Variants in SZT2 observed in about 807,000 individuals in gnomAD.
SZT2 encodes the protein SZT2 subunit of KICSTOR complex.
A neutral mutation model predicts 404.2 loss-of-function variants in SZT2; 216 were observed. The observed-to-expected ratio is 0.53, with a 90% CI of 0.48 to 0.60. The LOEUF (loss-of-function observed/expected upper bound fraction) is 0.60, where lower values mean the gene tolerates loss of function less well. Among genes scored for constraint, SZT2 ranks in the 20% least tolerant of loss-of-function variants. The pLI is 0.00. For synonymous variants in SZT2, 1,693 were observed against 1,749.9 expected, an observed-to-expected ratio of 0.97 and a Z score of 0.81; for missense variants, 3,857 against 4,459.2, an observed-to-expected ratio of 0.86 and a Z score of 3.85.
At chr1:43,416,413 T>C in intron 6 of SZT2, 122 bp from the exon 7 acceptor site, 1 of 779,840 alleles carries the variant, frequency 1.3e-6, no homozygotes, top group Non-Finnish European at 2.1e-6. Flanking sequence ...CTTCACAGTT[T>C]ATGAAACTGC....
intron 2 of SZT2, 138 bp from the exon 3 acceptor site, chr1:43,403,463 G>A: frequency 2.9e-6 from 4 of 1,392,342 alleles, no homozygotes; most frequent in Non-Finnish European, 3.9e-6. Context: ...AATTTTTCCA[G>A]AGAGTGAGAG....
At chr1:43,404,114 G>A (rs1235157743) in intron 3 of SZT2, 1 of 518,202 alleles carries the variant, frequency 1.9e-6, no homozygotes, top group Non-Finnish European at 3.4e-6. Flanking sequence ...GGCTGAGGTG[G>A]GAGGATTGCT....
intron 62 of SZT2, 104 bp downstream of exon 62, chr1:43,443,900 C>T: frequency 6.9e-7 from 1 of 1,439,818 alleles, no homozygotes; most frequent in Non-Finnish European, 9.5e-7. Context: ...ACAATTTGGG[C>T]TGGGCCTGTG....
At chr1:43,422,656 C>CCCA in intron 13 of SZT2, 24 bp downstream of exon 13, 1 of 1,237,784 alleles carries the variant, frequency 8.1e-7, no homozygotes. Context: ...TGTCCCTTCA[C>CCCA]CCCCCGCCCC....
At position 43,420,411 on chromosome 1, in the gene SZT2, T is replaced by G. The variant is rs990136869; in HGVS notation, c.1261+88T>G. Reference sequence around the variant, plus strand: ...CCCACATGTATCACACATGAAAGAGTGTCACATTGAAGTCCTTATCACTTG... The same window carrying G: ...CCCACATGTATCACACATGAAAGAGGGTCACATTGAAGTCCTTATCACTTG... On this transcript the variant is annotated intron_variant, in intron 9 of 71. Coordinates refer to ENST00000634258, the MANE Select transcript of SZT2 (RefSeq NM_001365999.1). The surrounding 1 kb of genome is among the most constrained non-coding windows in gnomAD (Gnocchi z 5.1). 2 of 1,424,828 alleles carry G rather than the reference T, an allele frequency of 1.4e-6. No individual in the cohort carries two copies. Among genetic ancestry groups the G allele is most frequent in the African/African-American group, 2.9e-5 (2 of 69,974 alleles). The allele number at this position is 1,424,828 out of a possible 1,614,324, so 88.3% of individuals were successfully genotyped here.
At position 43,426,923 on chromosome 1, in the gene SZT2, A is replaced by G. The variant is rs1026112243; in HGVS notation, c.3309+114A>G. ...AGACTAAATGGCATCTGCCAATGACACAATGCCGTCATTTTCCATTGTCCT... is the reference window on the plus strand; with the variant it reads ...AGACTAAATGGCATCTGCCAATGACGCAATGCCGTCATTTTCCATTGTCCT... On this transcript the variant is annotated intron_variant, in intron 23 of 71. Transcript: ENST00000634258. This position sits in a 1 kb window ranked among gnomAD's most constrained non-coding sequence, Gnocchi z 4.9. 40 of 1,547,832 alleles carry G rather than the reference A, an allele frequency of 2.6e-5. No homozygotes were observed. The South Asian group carries it at 3.8e-4, about 15-fold the overall frequency.
At chr1:43,446,710 G>C (rs1655713372) in intron 65 of SZT2, 1 of 618,168 alleles carries the variant, frequency 1.6e-6, no homozygotes, top group Non-Finnish European at 2.8e-6. Context: ...TGGAATCTGG[G>C]ATAGAGCAAA....
At chr1:43,407,229 C>T (rs1474990476) in intron 4 of SZT2, among the ~76,000 whole-genome samples, 2 of 152,038 alleles carry the variant, frequency 1.3e-5, no homozygotes, top group African/African-American at 4.8e-5. Flanking sequence ...CCTGGCTGGG[C>T]GCAGTGGCTC....
At position 43,442,037 on chromosome 1, in the gene SZT2, G is replaced by T. The variant is rs769284740; in HGVS notation, c.7780G>T (p.Gly2594Trp). 1 of 1,614,082 alleles carries T rather than the reference G, an allele frequency of 6.2e-7. No homozygotes were observed. Among genetic ancestry groups the T allele is most frequent in the Non-Finnish European group, 8.5e-7 (1 of 1,179,994 alleles). ...AGAGATCTTCGGCCCTTGTTCCCCT[G>T]GGCAACTGGGCCCCTCTCCCCGCCC... ...EPEIFGPCSP[G>W]QLGPSPRPAA... is the part of the protein sequence containing the mutation. Residue 2594 changes from glycine to tryptophan, a missense_variant, in exon 56 of 72, where the codon GGG becomes TGG. Gly to Trp is a radical substitution (Grantham distance 184). This residue lies in a region of SZT2 where 573 missense variants were observed against 592.4 expected (regional missense o/e 0.97). Coordinates refer to ENST00000634258, the MANE Select transcript of SZT2 (RefSeq NM_001365999.1). The surrounding 1 kb of genome is among the most constrained non-coding windows in gnomAD (Gnocchi z 4.5).
At position 43,441,798 on chromosome 1, in the gene SZT2, C is replaced by T; in HGVS notation, c.7722C>T (p.Val2574=). 4 of 1,614,176 alleles carry T rather than the reference C, an allele frequency of 2.5e-6. No homozygotes were observed. The highest frequency in any genetic ancestry group is 3.4e-6 in the Non-Finnish European group (4 of 1,180,042). ...CCTCAATGGCTGGAGACACCAGTGT[C>T]CGCATCTTTGAGCAGCATTTGTGAG... is the stretch of plus-strand genomic sequence containing the variant. ...LVTSMAGDTS[V]RIFEQHLGSE... is the part of the protein sequence containing the mutation. The change falls in exon 55 of 72, where the codon GTC becomes GTT. Residue 2574 remains valine (V), a synonymous_variant. Coordinates refer to ENST00000634258, the MANE Select transcript of SZT2 (RefSeq NM_001365999.1). This position sits in a 1 kb window ranked among gnomAD's most constrained non-coding sequence, Gnocchi z 4.8.
rs1652869069 is a variant in SZT2 at position 43,424,272 on chromosome 1, C to T, written c.2311C>T (p.Pro771Ser). The T allele has an allele frequency of 6.3e-7, 1 of 1,597,866 alleles. No individual in the cohort carries two copies. Among genetic ancestry groups the T allele is most frequent in the Non-Finnish European group, 8.5e-7 (1 of 1,179,554 alleles). The change falls in exon 16 of 72, where the codon CCA (proline) becomes TCA (serine). Residue 771 changes from proline (P) to serine (S), a missense_variant. Around this residue, in one of 7 missense-constraint regions of SZT2, gnomAD observed 1,725 missense variants for 1,881.0 expected, o/e 0.92. Transcript: ENST00000634258. The surrounding 1 kb of genome is among the most constrained non-coding windows in gnomAD (Gnocchi z 4.1). ...RAPFLLTLEP[P>S]GPLPLVSGRS... ...ACCCTTCTTGCTGACATTGGAGCCA[C>T]CAGGTCCACTGCCCTTGGTGTCAGG...
rs754009635 is a variant in SZT2, at chr1:43,452,035, T to G, written c.*1555T>G. ...CCTCCTAGCAGCATGTCGGGTGCTGTGAATAGAGCTCCTTCCCAAGTTTGT... is the reference window on the plus strand; with the variant it reads ...CCTCCTAGCAGCATGTCGGGTGCTGGGAATAGAGCTCCTTCCCAAGTTTGT... On this transcript the variant is annotated 3_prime_UTR_variant, in exon 72 of 72. Coordinates refer to ENST00000634258, the MANE Select transcript of SZT2 (RefSeq NM_001365999.1). 6.3e-7 allele frequency: 1 copy of G among 1,590,296 alleles called. No individual in the cohort carries two copies. Among genetic ancestry groups the G allele is most frequent in the Non-Finnish European group, 8.6e-7 (1 of 1,165,158 alleles).
At chr1:43,408,854 C>T (rs1057325338) in intron 4 of SZT2, among the ~76,000 whole-genome samples, 3 of 152,050 alleles carry the variant, frequency 2.0e-5, no homozygotes, top group African/African-American at 4.8e-5. Context: ...TTTTCTGGCT[C>T]GCCCGACCCA....
At position 43,415,176 on chromosome 1, in the gene SZT2, C is replaced by T. The variant is rs370706859; in HGVS notation, c.593C>T (p.Ala198Val). The stretch of plus-strand genomic sequence containing the variant: ...CTCTGCCTCTTTGAGGATAAGGTGG[C>T]CACCATGCTGCAGCAGCAGTACGAT... ...EQLCLFEDKVATMLQQQYDPQ... is the reference protein window; with the variant it reads ...EQLCLFEDKVVTMLQQQYDPQ... Residue 198 changes from alanine to valine, a missense_variant, in exon 5 of 72, where the codon GCC becomes GTC. Ala to Val is a moderately conservative substitution (Grantham distance 64). This residue lies in a region of SZT2 where 536 missense variants were observed against 637.4 expected (regional missense o/e 0.84). Transcript: ENST00000634258. The T allele has an allele frequency of 2.6e-5, 42 of 1,597,886 alleles. 1 individual carries two copies. The highest frequency in any genetic ancestry group is 3.3e-4 in the Middle Eastern group (2 of 6,046).
rs186596778 is a variant in SZT2 at position 43,414,423 on chromosome 1, T to A, written c.499-659T>A. On this transcript the variant is annotated intron_variant, in intron 4 of 71. Coordinates refer to ENST00000634258, the MANE Select transcript of SZT2 (RefSeq NM_001365999.1). The stretch of plus-strand genomic sequence containing the variant: ...ACCTTCTATGTACCCACAAAAATTT[T>A]TAAAAAAAAATTTTTTTTTATACAG... Among the ~76,000 whole-genome samples, 430 of 152,190 alleles carry A rather than the reference T, an allele frequency of 2.8e-3. 4 individuals carry two copies. Among genetic ancestry groups the A allele is most frequent in the African/African-American group, 9.8e-3 (405 of 41,512 alleles).
At chr1:43,400,649 A>C (rs900588652) in intron 1 of SZT2, among the ~76,000 whole-genome samples, 9 of 152,198 alleles carry the variant, frequency 5.9e-5, no homozygotes, top group Non-Finnish European at 1.2e-4. Context: ...AGGCGGGTGA[A>C]TCACCCAAGG....
chr1:43,447,090 C>A lies in SZT2; in HGVS notation c.9208C>A (p.His3070Asn), dbSNP rs769309360. The change falls in exon 66 of 72, where the codon CAC (histidine) becomes AAC (asparagine). Residue 3070 changes from histidine (H) to asparagine (N), a missense_variant. Physicochemically the swap from His to Asn is moderately conservative, Grantham distance 68. This residue lies in a region of SZT2 where 717 missense variants were observed against 868.2 expected (regional missense o/e 0.83). Coordinates refer to ENST00000634258, the MANE Select transcript of SZT2 (RefSeq NM_001365999.1). ...GAHLVLRHGY[H>N]LTTFLRHFLA... Reference sequence around the variant, plus strand: ...CCATCTGGTGCTGCGGCACGGCTACCACCTCACCACCTTTCTGCGACACTT... The same window carrying A: ...CCATCTGGTGCTGCGGCACGGCTACAACCTCACCACCTTTCTGCGACACTT... 1.2e-6 allele frequency: 2 copies of A among 1,613,970 alleles called. No homozygotes were observed. The highest frequency in any genetic ancestry group is 4.5e-5 in the East Asian group (2 of 44,884).
At chr1:43,396,119 A>G (rs1648960688) in intron 1 of SZT2, among the ~76,000 whole-genome samples, 1 of 152,212 alleles carries the variant, frequency 6.6e-6, no homozygotes, top group South Asian at 2.1e-4. Context: ...GAGAATCTGA[A>G]TCTGTGACCT....
At chr1:43,417,219 G>C (rs1391457560) in intron 7 of SZT2, among the ~76,000 whole-genome samples, 1 of 152,206 alleles carries the variant, frequency 6.6e-6, no homozygotes, top group Admixed American at 6.5e-5. Flanking sequence ...AAGGACGGGG[G>C]AAGTCGGGGA....
Sources: allele counts gnomAD v4.1 joint callset (sites outside exome capture counted in the v4.1 genomes callset), GRCh38; gene constraint gnomAD v4.1.1; regional missense constraint gnomAD v4.1.1; non-coding constraint Gnocchi (gnomAD v3.1); transcripts MANE v1.5; gene names NCBI Gene and HGNC (gene_info 2026-07-23, HGNC 2026-07-21).